The following PLCL1 variants were observed in gnomAD, a reference collection of about 807,000 sequenced individuals.
PLCL1 encodes the protein phospholipase C like 1 (inactive).
Under a neutral mutation model 84.4 loss-of-function variants are expected in PLCL1, and 41 were observed. The observed-to-expected ratio is 0.49, with a 90% CI of 0.38 to 0.63. The LOEUF (loss-of-function observed/expected upper bound fraction) is 0.63. PLCL1 is among the 30% of genes least tolerant of loss of function. The pLI is 0.00. For synonymous variants in PLCL1, 490 were observed against 488.3 expected, an observed-to-expected ratio of 1.00 and a Z score of -0.05; for missense variants, 1,206 against 1,367.8, an observed-to-expected ratio of 0.88 and a Z score of 1.87.
chr2:197,828,492 A>G (rs1690981212), intron 1 of PLCL1, among the ~76,000 whole-genome samples: 1 of 152,098 alleles, frequency 6.6e-6, no homozygotes, highest in Non-Finnish European at 1.5e-5. Flanking sequence ...AGGATTTAAA[A>G]ATTCTTATGC....
chr2:198,059,396 C>T (rs1692141214), intron 1 of PLCL1, among the ~76,000 whole-genome samples: 1 of 152,118 alleles, frequency 6.6e-6, no homozygotes, highest in Admixed American at 6.5e-5. Flanking sequence ...TGTTTGGTTT[C>T]TGTATAGTAC....
chr2:198,138,961 G>T (rs1694319832), intron 5 of PLCL1, among the ~76,000 whole-genome samples: 1 of 152,046 alleles, frequency 6.6e-6, no homozygotes, highest in Non-Finnish European at 1.5e-5. Flanking sequence ...TTTGAGACCA[G>T]CCTGACTAAC....
chr2:197,943,457 C>T (rs1040764845), intron 1 of PLCL1, among the ~76,000 whole-genome samples: 4 of 151,968 alleles, frequency 2.6e-5, no homozygotes, highest in African/African-American at 9.7e-5. Flanking sequence ...TCGTTTTTAA[C>T]TGTTTGTTCT....
At chr2:198,124,460 G>T (rs1051079478) in intron 5 of PLCL1, among the ~76,000 whole-genome samples, 1 of 152,086 alleles carries the variant, frequency 6.6e-6, no homozygotes, top group East Asian at 1.9e-4. Flanking sequence ...GTTATAAAAG[G>T]ATAGGCTAAT....
At chr2:197,995,357 C>T (rs146396813) in intron 1 of PLCL1, among the ~76,000 whole-genome samples, 38 of 152,148 alleles carry the variant, frequency 2.5e-4, no homozygotes, top group Middle Eastern at 3.4e-3. Flanking sequence ...GGCATTGTTC[C>T]AGGTGTTGGA....
At chr2:197,943,627 C>CTTTTTTTTTTTTTTTTTTTTTTTT (rs5837573) in intron 1 of PLCL1, among the ~76,000 whole-genome samples, 3 of 119,206 alleles carry the variant, frequency 2.5e-5, no homozygotes, top group African/African-American at 6.4e-5. Context: ...TTGGTTACAT[C>CTTTTTTTTTTTTTTTTTTTTTTTT]TTTTTTTTTT....
intron 1 of PLCL1, among the ~76,000 whole-genome samples, chr2:198,003,328 G>A (rs1690650684): frequency 6.6e-6 from 1 of 152,142 alleles, no homozygotes; most frequent in Non-Finnish European, 1.5e-5. Flanking sequence ...AGGCAAGGAA[G>A]GAATTAGCTA....
At chr2:198,105,387 G>A (rs116887713) in intron 5 of PLCL1, among the ~76,000 whole-genome samples, 3,015 of 151,946 alleles carry the variant, frequency 0.02, 92 homozygotes, top group African/African-American at 0.069. Flanking sequence ...GTCTGTTTTT[G>A]TACCAATGCC....
chr2:198,133,387 GA>G (rs1430311621), intron 5 of PLCL1, among the ~76,000 whole-genome samples: 14 of 106,514 alleles, frequency 1.3e-4, no homozygotes, highest in Admixed American at 1.2e-3. Context: ...GGGGTGGGGG[GA>G]GGGGGGAGGG....
chr2:197,928,529 G>A (rs1688875096), intron 1 of PLCL1, among the ~76,000 whole-genome samples: 1 of 152,144 alleles, frequency 6.6e-6, no homozygotes, highest in African/African-American at 2.4e-5. Context: ...TATAGTTTTT[G>A]CTCTGAAGAT....
intron 1 of PLCL1, among the ~76,000 whole-genome samples, chr2:198,057,495 C>T (rs376387171): frequency 1.3e-5 from 2 of 152,100 alleles, no homozygotes; most frequent in Admixed American, 6.5e-5. Flanking sequence ...ATGATTTATC[C>T]AAGATTACAT....
chr2:198,140,981 G>A (rs1448748263), intron 5 of PLCL1, among the ~76,000 whole-genome samples: 1 of 152,114 alleles, frequency 6.6e-6, no homozygotes, highest in Non-Finnish European at 1.5e-5. Flanking sequence ...CATGTCCAGT[G>A]TAATTCTCTT....
chr2:197,950,750 T>A (rs540226677), intron 1 of PLCL1, among the ~76,000 whole-genome samples: 2 of 152,282 alleles, frequency 1.3e-5, no homozygotes, highest in Non-Finnish European at 2.9e-5. Flanking sequence ...TTTTACTAAA[T>A]CTAAGTAGGC....
intron 1 of PLCL1, among the ~76,000 whole-genome samples, chr2:198,052,320 G>A (rs1398816461): frequency 6.6e-6 from 1 of 152,196 alleles, no homozygotes; most frequent in African/African-American, 2.4e-5. Flanking sequence ...CAAAGTGCTG[G>A]GATTATAGGC....
chr2:198,040,007 G>T (rs1252243122), intron 1 of PLCL1, among the ~76,000 whole-genome samples: 1 of 152,158 alleles, frequency 6.6e-6, no homozygotes, highest in Non-Finnish European at 1.5e-5. Flanking sequence ...GTTAGGGAGA[G>T]GGAATAGATC....
chr2:197,886,444 A>AG, intron 1 of PLCL1, among the ~76,000 whole-genome samples: 1 of 132,198 alleles, frequency 7.6e-6, no homozygotes, highest in Non-Finnish European at 1.6e-5. Flanking sequence ...AAAAAAAAAA[A>AG]AAAAAAAAGT....
chr2:198,028,606 A>G (rs1037121514), intron 1 of PLCL1, among the ~76,000 whole-genome samples: 2 of 152,178 alleles, frequency 1.3e-5, no homozygotes, highest in Non-Finnish European at 2.9e-5. Flanking sequence ...GTTATCCTTA[A>G]TGTGACATTG....
intron 1 of PLCL1, among the ~76,000 whole-genome samples, chr2:197,817,338 A>C (rs1156391283): frequency 6.6e-6 from 1 of 152,108 alleles, no homozygotes; most frequent in Non-Finnish European, 1.5e-5. Context: ...GTTTTGTGAT[A>C]AATGAACTGA....
rs1694556810 is a variant in PLCL1 at position 198,147,603 on chromosome 2, A to C, written c.*641A>C. 1 of 152,162 alleles carries C rather than the reference A, an allele frequency of 6.6e-6. No homozygotes were observed. The highest frequency in any genetic ancestry group is 1.5e-5 in the Non-Finnish European group (1 of 68,008). 9.4% of individuals were successfully genotyped at this position (152,162 alleles called of 1,614,324 possible). ...AGCAAGGTCATTTCTTCAGTCAGAA[A>C]ACTTTAAAAAATATTTATTAAATAA... On this transcript the variant is annotated 3_prime_UTR_variant, in exon 6 of 6. Coordinates refer to ENST00000428675, the MANE Select transcript of PLCL1 (RefSeq NM_006226.4).
Sources: allele counts gnomAD v4.1 joint callset (sites outside exome capture counted in the v4.1 genomes callset), GRCh38; gene constraint gnomAD v4.1.1; transcripts MANE v1.5; gene names NCBI Gene and HGNC (gene_info 2026-07-23, HGNC 2026-07-21).